BTBD9: variants seen among roughly 807,000 people sequenced by gnomAD.
BTBD9 encodes the protein BTB/POZ domain-containing protein 9.
Under a neutral mutation model 64.3 loss-of-function variants are expected in BTBD9, and 49 were observed. The ratio of observed to expected loss-of-function variants is 0.76; its 90% confidence interval spans 0.61 to 0.97. The LOEUF (loss-of-function observed/expected upper bound fraction) is 0.97. BTBD9 is among the 50% of genes least tolerant of loss of function. The pLI, the probability that BTBD9 is intolerant of heterozygous loss-of-function variation, is 0.00. For missense variants in BTBD9, 598 were observed against 762.1 expected, an observed-to-expected ratio of 0.78 and a Z score of 2.53; for synonymous variants, 260 against 274.7, an observed-to-expected ratio of 0.95 and a Z score of 0.53.
intron 6 of BTBD9, among the ~76,000 whole-genome samples, chr6:38,429,101 A>G (rs1768319460): frequency 6.6e-6 from 1 of 151,702 alleles, no homozygotes; most frequent in Non-Finnish European, 1.5e-5. Context: ...GTCAGGAGAG[A>G]GCCAAGAGCA....
At chr6:38,332,130 T>G (rs935058155) in intron 7 of BTBD9, among the ~76,000 whole-genome samples, 6 of 152,232 alleles carry the variant, frequency 3.9e-5, no homozygotes. Flanking sequence ...ATCTTTTTTT[T>G]GTACTTATTT....
At chr6:38,415,887 T>C (rs1281243797) in intron 6 of BTBD9, among the ~76,000 whole-genome samples, 1 of 151,890 alleles carries the variant, frequency 6.6e-6, no homozygotes, top group African/African-American at 2.4e-5. Flanking sequence ...GCCTCACTCA[T>C]ATTTCTTCAA....
At chr6:38,368,639 T>C (rs1156254962) in intron 6 of BTBD9, among the ~76,000 whole-genome samples, 3 of 152,112 alleles carry the variant, frequency 2.0e-5, no homozygotes, top group African/African-American at 7.2e-5. Context: ...GGCCTTTACC[T>C]TTTTTTGACT....
chr6:38,340,711 T>G (rs1312806102), intron 7 of BTBD9, among the ~76,000 whole-genome samples: 1 of 152,200 alleles, frequency 6.6e-6, no homozygotes, highest in Non-Finnish European at 1.5e-5. Context: ...GAGGAAAATT[T>G]TCTCTTTCTA....
At chr6:38,514,366 T>C (rs929187702) in intron 6 of BTBD9, among the ~76,000 whole-genome samples, 1 of 152,254 alleles carries the variant, frequency 6.6e-6, no homozygotes, top group Non-Finnish European at 1.5e-5. Flanking sequence ...TCTTTGTCCA[T>C]TTTTTCATTT....
chr6:38,625,973 C>A (rs543517610), intron 1 of BTBD9, among the ~76,000 whole-genome samples: 13 of 152,294 alleles, frequency 8.5e-5, no homozygotes, highest in Middle Eastern at 3.4e-3. Context: ...CATTCAGGAA[C>A]AGGAGTCACC....
At chr6:38,618,170 C>T (rs1777853758) in intron 1 of BTBD9, among the ~76,000 whole-genome samples, 1 of 152,204 alleles carries the variant, frequency 6.6e-6, no homozygotes, top group South Asian at 2.1e-4. Context: ...AACAAGCTCA[C>T]CCTTGAAATG....
chr6:38,540,543 C>G (rs1266857116), intron 6 of BTBD9, among the ~76,000 whole-genome samples: 1 of 152,136 alleles, frequency 6.6e-6, no homozygotes, highest in East Asian at 1.9e-4. Context: ...TAAGATGCCT[C>G]TGGGCACTTA....
intron 1 of BTBD9, among the ~76,000 whole-genome samples, chr6:38,616,821 A>G (rs1169254262): frequency 6.6e-6 from 1 of 152,080 alleles, no homozygotes; most frequent in Non-Finnish European, 1.5e-5. Context: ...GCTCTTCACA[A>G]TAAACCTTGC....
chr6:38,509,238 G>A (rs1772674570), intron 6 of BTBD9, among the ~76,000 whole-genome samples: 1 of 152,218 alleles, frequency 6.6e-6, no homozygotes, highest in Admixed American at 6.5e-5. Context: ...AAGTTTGGAT[G>A]TTCTTCTGCA....
At chr6:38,556,412 G>A (rs1164774019) in intron 6 of BTBD9, among the ~76,000 whole-genome samples, 2 of 151,910 alleles carry the variant, frequency 1.3e-5, no homozygotes, top group East Asian at 1.9e-4. Context: ...CCAGATTCCA[G>A]ACCTACTAAG....
chr6:38,263,954 T>C (rs1358748294), intron 8 of BTBD9, among the ~76,000 whole-genome samples: 1 of 152,134 alleles, frequency 6.6e-6, no homozygotes, highest in Non-Finnish European at 1.5e-5. Flanking sequence ...AGGATAGCAA[T>C]GATACCGTGA....
chr6:38,458,357 C>T (rs978485929), intron 6 of BTBD9, among the ~76,000 whole-genome samples: 1 of 152,154 alleles, frequency 6.6e-6, no homozygotes, highest in Non-Finnish European at 1.5e-5. Context: ...GTATGAACAA[C>T]TCCTCATGTT....
intron 9 of BTBD9, among the ~76,000 whole-genome samples, chr6:38,202,672 C>A (rs980680102): frequency 6.6e-6 from 1 of 152,034 alleles, no homozygotes; most frequent in Non-Finnish European, 1.5e-5. Flanking sequence ...GAAAGGATAC[C>A]CTCTTCAATA....
chr6:38,637,362 C>T (rs1202296133), intron 1 of BTBD9, among the ~76,000 whole-genome samples: 4 of 152,216 alleles, frequency 2.6e-5, no homozygotes, highest in African/African-American at 9.7e-5. Context: ...CTTTACACAT[C>T]TTGGTTAGCA....
At chr6:38,371,113 G>C (rs889014768) in intron 6 of BTBD9, among the ~76,000 whole-genome samples, 3 of 152,136 alleles carry the variant, frequency 2.0e-5, no homozygotes, top group African/African-American at 4.8e-5. Flanking sequence ...GACTGACTGA[G>C]TGGTCAGCAA....
At chr6:38,437,772 C>G (rs534081284) in intron 6 of BTBD9, among the ~76,000 whole-genome samples, 1 of 152,110 alleles carries the variant, frequency 6.6e-6, no homozygotes, top group African/African-American at 2.4e-5. Context: ...AACTAAAATA[C>G]AATTTTTAAG....
At chr6:38,468,497 C>T (rs1770496816) in intron 6 of BTBD9, among the ~76,000 whole-genome samples, 1 of 152,310 alleles carries the variant, frequency 6.6e-6, no homozygotes, top group Middle Eastern at 3.4e-3. Flanking sequence ...GTATAAATAT[C>T]GTAAGGAAAC....
intron 8 of BTBD9, among the ~76,000 whole-genome samples, chr6:38,277,307 A>G (rs1761306145): frequency 6.6e-6 from 1 of 152,154 alleles, no homozygotes. Flanking sequence ...GAATTGTGCA[A>G]TAAACAGACA....
Sources: gnomAD v4.1 joint callset for allele counts (sites outside exome capture counted in the v4.1 genomes callset) on GRCh38, gnomAD v4.1.1 for gene constraint, MANE v1.5 for transcripts, NCBI Gene and HGNC (gene_info 2026-07-23, HGNC 2026-07-21) for gene names.